FRMD5: variants seen among roughly 807,000 people sequenced by gnomAD.
FRMD5 encodes the protein FERM domain-containing protein 5.
In FRMD5, 20 loss-of-function variants were observed where a neutral mutation model predicts 69.0. That is an observed-to-expected ratio of 0.29 (90% CI 0.20 to 0.42). The LOEUF is 0.42. Ranked by LOEUF, FRMD5 falls within the 10% of genes least tolerant of loss-of-function variation. FRMD5 has a pLI of 1.00. For missense variants in FRMD5, 595 were observed against 708.6 expected (o/e 0.84, Z 1.82); for synonymous variants, 271 against 260.1 (o/e 1.04, Z -0.40).
chr15:44,064,055 CG>C (rs1020256400), intron 1 of FRMD5: 17 of 214,514 alleles, frequency 7.9e-5, no homozygotes, highest in Non-Finnish European at 1.9e-5. Flanking sequence ...CATGCCATCA[CG>C]GACACCCAGA....
chr15:44,039,775 A>C (rs1302580901), intron 1 of FRMD5, among the ~76,000 whole-genome samples: 1 of 152,136 alleles, frequency 6.6e-6, no homozygotes, highest in Non-Finnish European at 1.5e-5. Context: ...TCTCCTCCAG[A>C]GGATCACAAC....
At chr15:43,978,013 TTATAAAAACTTTATTATAAAAACCTCCC>T in intron 1 of FRMD5, among the ~76,000 whole-genome samples, 1 of 152,074 alleles carries the variant, frequency 6.6e-6, no homozygotes, top group South Asian at 2.1e-4. Flanking sequence ...AGAAACTTTA[TTATAAAAACTTTATTATAAAAACCTCCC>T]TATAGAAACT....
chr15:43,916,270 T>G (rs1031902027), intron 4 of FRMD5, among the ~76,000 whole-genome samples: 1 of 152,190 alleles, frequency 6.6e-6, no homozygotes, highest in Non-Finnish European at 1.5e-5. Context: ...GATGACTACC[T>G]GGGATAGCTT....
At chr15:44,042,232 G>A (rs1445242136) in intron 1 of FRMD5, among the ~76,000 whole-genome samples, 2 of 152,146 alleles carry the variant, frequency 1.3e-5, no homozygotes, top group African/African-American at 4.8e-5. Flanking sequence ...ACTAAACCAG[G>A]AAGAAGTTGA....
At chr15:43,936,064 C>A (rs530065869) in intron 1 of FRMD5, among the ~76,000 whole-genome samples, 2 of 152,314 alleles carry the variant, frequency 1.3e-5, no homozygotes, top group Admixed American at 1.3e-4. Context: ...CTAATGCTAA[C>A]CTTCCCATGT....
At chr15:43,977,344 T>A (rs2090479629) in intron 1 of FRMD5, among the ~76,000 whole-genome samples, 1 of 152,136 alleles carries the variant, frequency 6.6e-6, no homozygotes, top group Non-Finnish European at 1.5e-5. Flanking sequence ...AAAAATGGCA[T>A]CACTATTGTT....
intron 1 of FRMD5, chr15:44,101,659 T>C (rs1168394144): frequency 6.6e-6 from 1 of 152,444 alleles, no homozygotes; most frequent in African/African-American, 2.4e-5. Flanking sequence ...ATGAGTACTG[T>C]TGTTACTTCA....
chr15:44,031,656 C>A (rs545839561), intron 1 of FRMD5, among the ~76,000 whole-genome samples: 1 of 152,238 alleles, frequency 6.6e-6, no homozygotes, highest in Admixed American at 6.5e-5. Context: ...TAGGTTTCAA[C>A]ATATGAATTT....
intron 1 of FRMD5, among the ~76,000 whole-genome samples, chr15:44,165,301 A>C (rs927442822): frequency 7.2e-5 from 11 of 152,100 alleles, no homozygotes; most frequent in African/African-American, 2.4e-4. Context: ...ACACGCCTGT[A>C]ATCCCAGCTA....
At chr15:43,995,051 C>G (rs1016587459) in intron 1 of FRMD5, among the ~76,000 whole-genome samples, 3 of 152,126 alleles carry the variant, frequency 2.0e-5, no homozygotes, top group African/African-American at 7.2e-5. Context: ...ATAGTCATCC[C>G]TCAGCATCTG....
At chr15:44,120,670 C>T (rs891193792) in intron 1 of FRMD5, among the ~76,000 whole-genome samples, 1 of 149,564 alleles carries the variant, frequency 6.7e-6, no homozygotes, top group African/African-American at 2.5e-5. Context: ...CTACAGGCGC[C>T]TGCCACCACG....
chr15:43,905,613 A>C (rs749023797), intron 6 of FRMD5, among the ~76,000 whole-genome samples: 1 of 152,186 alleles, frequency 6.6e-6, no homozygotes, highest in South Asian at 2.1e-4. Context: ...CTTCAGGCTA[A>C]ATCGCTTTTC....
intron 1 of FRMD5, among the ~76,000 whole-genome samples, chr15:44,021,751 T>C (rs1168658084): frequency 1.3e-5 from 2 of 152,132 alleles, no homozygotes; most frequent in Non-Finnish European, 2.9e-5. Context: ...CCTCAAAAAT[T>C]AAACATGGAA....
chr15:44,113,899 A>G (rs867923676), intron 1 of FRMD5, among the ~76,000 whole-genome samples: 9 of 152,234 alleles, frequency 5.9e-5, no homozygotes, highest in Admixed American at 5.2e-4. Flanking sequence ...CATAACTATG[A>G]AATATTAAAC....
At chr15:44,045,122 C>T (rs930874872) in intron 1 of FRMD5, among the ~76,000 whole-genome samples, 2 of 152,184 alleles carry the variant, frequency 1.3e-5, no homozygotes, top group Non-Finnish European at 2.9e-5. Context: ...GACTCTCCTT[C>T]CTACACTCAC....
At chr15:43,966,685 G>A (rs577554784) in intron 1 of FRMD5, among the ~76,000 whole-genome samples, 2 of 152,260 alleles carry the variant, frequency 1.3e-5, no homozygotes, top group South Asian at 4.1e-4. Context: ...ACACCAGAAA[G>A]AAAGCCTTTT....
At chr15:43,898,801 A>G (rs2088976113) in intron 7 of FRMD5, among the ~76,000 whole-genome samples, 1 of 152,216 alleles carries the variant, frequency 6.6e-6, no homozygotes, top group African/African-American at 2.4e-5. Context: ...GTCAAGGCAG[A>G]AAATGCAGGA....
intron 1 of FRMD5, among the ~76,000 whole-genome samples, chr15:43,995,500 C>A (rs1889878483): frequency 1.3e-5 from 2 of 151,726 alleles, no homozygotes; most frequent in Admixed American, 1.3e-4. Context: ...CAGGAGTGGT[C>A]CTGGAGACAT....
At chr15:44,080,521 A>G (rs1893955067) in intron 1 of FRMD5, among the ~76,000 whole-genome samples, 1 of 152,108 alleles carries the variant, frequency 6.6e-6, no homozygotes, top group East Asian at 1.9e-4. Flanking sequence ...GAGAGGTCCA[A>G]AAGGCAGTTG....
Sources: allele counts gnomAD v4.1 joint callset (sites outside exome capture counted in the v4.1 genomes callset), GRCh38; gene constraint gnomAD v4.1.1; transcripts MANE v1.5; gene names NCBI Gene and HGNC (gene_info 2026-07-23, HGNC 2026-07-21).